Variants in GALNTL6 observed in about 807,000 individuals in gnomAD.
GALNTL6 encodes polypeptide N-acetylgalactosaminyltransferase-like 6.
GALNTL6 carries 46 observed loss-of-function variants against 73.7 expected under a neutral mutation model. That is an observed-to-expected ratio of 0.62 (90% CI 0.49 to 0.80). The LOEUF is 0.80. Ranked by LOEUF, GALNTL6 falls within the 30% of genes least tolerant of loss-of-function variation. GALNTL6 has a pLI of 0.00. For synonymous variants in GALNTL6, 259 were observed against 263.7 expected (o/e 0.98, Z 0.17); for missense variants, 604 against 755.0 (o/e 0.80, Z 2.34).
chr4:172,468,670 A>T (rs1304566091), intron 5 of GALNTL6, among the ~76,000 whole-genome samples: 2 of 152,192 alleles, frequency 1.3e-5, no homozygotes, highest in African/African-American at 4.8e-5. Flanking sequence ...AATGCCCAAT[A>T]AGGTGGTAGG....
chr4:172,028,132 G>A, intron 2 of GALNTL6, among the ~76,000 whole-genome samples: 1 of 152,018 alleles, frequency 6.6e-6, no homozygotes, highest in East Asian at 1.9e-4. Flanking sequence ...TTCACAGCTA[G>A]CAAGGAGAAT....
At chr4:172,912,388 C>T (rs948438278) in intron 8 of GALNTL6, among the ~76,000 whole-genome samples, 1 of 152,176 alleles carries the variant, frequency 6.6e-6, no homozygotes, top group Non-Finnish European at 1.5e-5. Context: ...GGGTGCAGCC[C>T]GTGGAGTGTG....
At chr4:172,126,528 C>T (rs1359437124) in intron 2 of GALNTL6, among the ~76,000 whole-genome samples, 1 of 152,178 alleles carries the variant, frequency 6.6e-6, no homozygotes. Flanking sequence ...GCAGCTTGCT[C>T]AGCAAGGATC....
intron 2 of GALNTL6, among the ~76,000 whole-genome samples, chr4:172,117,605 T>C (rs925384924): frequency 6.6e-6 from 1 of 152,148 alleles, no homozygotes; most frequent in African/African-American, 2.4e-5. Flanking sequence ...TTCCTGAATA[T>C]AATCAATGCA....
At chr4:172,577,983 G>C (rs1353759895) in intron 5 of GALNTL6, among the ~76,000 whole-genome samples, 3 of 152,142 alleles carry the variant, frequency 2.0e-5, no homozygotes, top group African/African-American at 2.4e-5. Context: ...TGGGGATAAT[G>C]ATGACAATCA....
At chr4:171,958,718 G>T (rs1739128999) in intron 2 of GALNTL6, among the ~76,000 whole-genome samples, 1 of 151,912 alleles carries the variant, frequency 6.6e-6, no homozygotes, top group Non-Finnish European at 1.5e-5. Context: ...CTTTGTGATT[G>T]AAAAATAAAT....
At chr4:172,095,457 A>C (rs983362380) in intron 2 of GALNTL6, among the ~76,000 whole-genome samples, 1 of 152,226 alleles carries the variant, frequency 6.6e-6, no homozygotes, top group Admixed American at 6.5e-5. Flanking sequence ...GAAAAAGCAC[A>C]GTTGGGGATA....
chr4:172,325,304 T>G (rs2111170932), intron 4 of GALNTL6, among the ~76,000 whole-genome samples: 1 of 152,078 alleles, frequency 6.6e-6, no homozygotes, highest in East Asian at 1.9e-4. Flanking sequence ...TTCAAATATC[T>G]GTGGAACTAT....
At chr4:172,789,449 G>C (rs1434160890) in intron 5 of GALNTL6, among the ~76,000 whole-genome samples, 1 of 152,152 alleles carries the variant, frequency 6.6e-6, no homozygotes, top group Non-Finnish European at 1.5e-5. Context: ...GCTATCGTTT[G>C]TGTTAGTGTA....
At chr4:173,026,653 T>C (rs1753244824) in intron 12 of GALNTL6, among the ~76,000 whole-genome samples, 1 of 152,192 alleles carries the variant, frequency 6.6e-6, no homozygotes, top group Non-Finnish European at 1.5e-5. Flanking sequence ...CCATTTTGGA[T>C]ATCTTATTTG....
At chr4:172,724,797 G>A (rs1474151432) in intron 5 of GALNTL6, among the ~76,000 whole-genome samples, 1 of 152,116 alleles carries the variant, frequency 6.6e-6, no homozygotes, top group Non-Finnish European at 1.5e-5. Flanking sequence ...ACCTGAGAAA[G>A]AGAAAAAGAA....
intron 2 of GALNTL6, among the ~76,000 whole-genome samples, chr4:171,912,502 G>A (rs964415217): frequency 6.6e-6 from 1 of 152,220 alleles, no homozygotes; most frequent in Non-Finnish European, 1.5e-5. Context: ...GATAAAATCA[G>A]GGTAACTGGG....
chr4:171,870,369 A>T (rs1039601342), intron 2 of GALNTL6, among the ~76,000 whole-genome samples: 1 of 152,174 alleles, frequency 6.6e-6, no homozygotes, highest in Non-Finnish European at 1.5e-5. Context: ...CCTCTTCCAG[A>T]CGTTGATGTG....
At chr4:172,831,742 G>A (rs573917648) in intron 7 of GALNTL6, among the ~76,000 whole-genome samples, 2 of 152,324 alleles carry the variant, frequency 1.3e-5, no homozygotes, top group African/African-American at 4.8e-5. Context: ...TGGCGTCAGA[G>A]CCTCTAGCAA....
At chr4:172,842,147 A>C (rs1482637975) in intron 7 of GALNTL6, among the ~76,000 whole-genome samples, 1 of 152,248 alleles carries the variant, frequency 6.6e-6, no homozygotes, top group South Asian at 2.1e-4. Flanking sequence ...TCTGTCTCTA[A>C]AACAAAGTAT....
intron 2 of GALNTL6, among the ~76,000 whole-genome samples, chr4:171,944,790 T>C (rs1402621828): frequency 4.6e-5 from 7 of 151,916 alleles, no homozygotes; most frequent in Non-Finnish European, 2.9e-5. Context: ...AAGAAATTTA[T>C]TGTTGCATTA....
intron 5 of GALNTL6, among the ~76,000 whole-genome samples, chr4:172,660,845 C>G (rs1731329960): frequency 6.6e-6 from 1 of 152,170 alleles, no homozygotes; most frequent in East Asian, 1.9e-4. Context: ...TTACCCTCTT[C>G]CCTCTGAGCC....
At chr4:172,327,126 A>T (rs1740970642) in intron 4 of GALNTL6, among the ~76,000 whole-genome samples, 1 of 152,112 alleles carries the variant, frequency 6.6e-6, no homozygotes, top group Non-Finnish European at 1.5e-5. Context: ...CAACATAATT[A>T]TCTTTTCTGT....
chr4:172,914,500 AC>A (rs1747393222), intron 8 of GALNTL6, among the ~76,000 whole-genome samples: 1 of 152,200 alleles, frequency 6.6e-6, no homozygotes, highest in Non-Finnish European at 1.5e-5. Context: ...TATTCAGGAA[AC>A]CCATCTCACA....
Sources: gnomAD v4.1 joint callset for allele counts (sites outside exome capture counted in the v4.1 genomes callset) on GRCh38, gnomAD v4.1.1 for gene constraint, MANE v1.5 for transcripts, NCBI Gene and HGNC (gene_info 2026-07-23, HGNC 2026-07-21) for gene names.